PPL: variants seen among roughly 807,000 people sequenced by gnomAD.
PPL encodes 190 kDa paraneoplastic pemphigus antigen.
In PPL, 198 loss-of-function variants were observed where a neutral mutation model predicts 194.4. The observed-to-expected ratio is 1.02, with a 90% CI of 0.91 to 1.15. The LOEUF is 1.15. Ranked by LOEUF, PPL falls within the 50% of genes most tolerant of loss-of-function variation. The pLI, the probability that PPL is intolerant of heterozygous loss-of-function variation, is 0.00. For synonymous variants in PPL, 1,220 were observed against 972.4 expected (o/e 1.25, Z -4.74); for missense variants, 2,885 against 2,294.8 (o/e 1.26, Z -5.25).
Position 4,910,963 on chromosome 16 carries a change from C to A in PPL, c.63-14G>T, listed in dbSNP as rs767683747. ...TTGTTAGAGATGCTGCGGGCAGAAG[C>A]CGAGGGGAGATGGGCGGGGTGCCTG... On this transcript the variant is annotated splice_polypyrimidine_tract_variant and intron_variant, in intron 1 of 21. Transcript: ENST00000345988. 3.1e-6 allele frequency: 5 copies of A among 1,607,962 alleles called. No homozygotes were observed. The highest frequency in any genetic ancestry group is 4.5e-5 in the East Asian group (2 of 44,826).
intron 2 of PPL, among the ~76,000 whole-genome samples, chr16:4,904,891 T>A (rs2088652723): frequency 6.6e-6 from 1 of 152,064 alleles, no homozygotes; most frequent in African/African-American, 2.4e-5. Flanking sequence ...CGGGGGGATA[T>A]CTGGAAGGGG....
In PPL at chr16:4,884,810, G is replaced by A. The variant is rs200663441; in HGVS notation, c.3845C>T (p.Thr1282Ile). 2 of 1,614,136 alleles carry A rather than the reference G, an allele frequency of 1.2e-6. No homozygotes were observed. The highest frequency in any genetic ancestry group is 2.2e-5 in the South Asian group (2 of 91,088). ...CTCTTTGGTCTGGACCTGGGGTTTGGTGTCTTTCAGGGCCTGGATTTCCTT... is the reference window on the plus strand; with the variant it reads ...CTCTTTGGTCTGGACCTGGGGTTTGATGTCTTTCAGGGCCTGGATTTCCTT... Reference protein sequence around the residue: ...LKKEIQALKDTKPQVQTKEVV... With the variant: ...LKKEIQALKDIKPQVQTKEVV... Residue 1282 changes from threonine to isoleucine, a missense_variant, in exon 22 of 22, where the codon ACC (threonine) becomes ATC (isoleucine). Physicochemically the swap from Thr to Ile is moderately conservative, Grantham distance 89. Coordinates refer to ENST00000345988, the MANE Select transcript of PPL (RefSeq NM_002705.5). This position sits in a 1 kb window ranked among gnomAD's most constrained non-coding sequence, Gnocchi z 5.7.
At chr16:4,903,082 G>T (rs1414191921) in intron 3 of PPL, among the ~76,000 whole-genome samples, 1 of 152,228 alleles carries the variant, frequency 6.6e-6, no homozygotes, top group Non-Finnish European at 1.5e-5. Context: ...AAGCAGGAAA[G>T]ATCTTGTTTT....
chr16:4,904,020 C>G lies in PPL; in HGVS notation c.183G>C (p.Glu61Asp). Residue 61 changes from glutamate (E) to aspartate (D), a missense_variant, in exon 3 of 22, where the codon GAG becomes GAC. Glu to Asp is a conservative substitution (Grantham distance 45, BLOSUM62 2). Coordinates refer to ENST00000345988, the MANE Select transcript of PPL (RefSeq NM_002705.5). ...CGTCCCGGTGCTCAGGCTGCCGACC[C>G]TCCTGCAGCCGAGCCAGGTCCTGTG... ...KMQSDLARLQEGRQPEHRDVT... is the reference protein window; with the variant it reads ...KMQSDLARLQDGRQPEHRDVT... 1 of 1,612,418 alleles carries G rather than the reference C, an allele frequency of 6.2e-7. No homozygotes were observed. Among genetic ancestry groups the G allele is most frequent in the Non-Finnish European group, 8.5e-7 (1 of 1,179,884 alleles).
At chr16:4,890,466 G>T in intron 17 of PPL, 132 bp from the exon 18 acceptor site, 3 of 1,244,536 alleles carry the variant, frequency 2.4e-6, no homozygotes, top group Non-Finnish European at 3.3e-6. Flanking sequence ...CACACAGGGT[G>T]GGTGGTCATT....
intron 21 of PPL, among the ~76,000 whole-genome samples, chr16:4,886,500 G>T (rs2088221889): frequency 6.6e-6 from 1 of 152,254 alleles, no homozygotes; most frequent in South Asian, 2.1e-4. Context: ...CCGCTCTCTG[G>T]ACAGACCGCA....
intron 1 of PPL, among the ~76,000 whole-genome samples, chr16:4,932,255 C>A (rs904844479): frequency 1.9e-5 from 2 of 105,098 alleles, no homozygotes; most frequent in African/African-American, 5.4e-5. Context: ...CAGTATGTGC[C>A]TGAGAAATGG....
chr16:4,932,295 C>A (rs986210565), intron 1 of PPL, among the ~76,000 whole-genome samples: 6 of 152,218 alleles, frequency 3.9e-5, no homozygotes, highest in African/African-American at 1.4e-4. Flanking sequence ...CTGTTACCCA[C>A]ATGGGTCCCC....
intron 1 of PPL, among the ~76,000 whole-genome samples, chr16:4,912,909 G>T (rs367613816): frequency 1.5e-3 from 228 of 152,290 alleles, no homozygotes; most frequent in African/African-American, 4.6e-3. Context: ...TTTGAGACCA[G>T]CCTGGCCAAC....
intron 9 of PPL, 71 bp downstream of exon 9, chr16:4,897,604 C>G: frequency 8.1e-7 from 1 of 1,233,548 alleles, no homozygotes; most frequent in Non-Finnish European, 1.2e-6. Context: ...ACACATGAGC[C>G]AGGTAGGCAC....
intron 2 of PPL, among the ~76,000 whole-genome samples, chr16:4,904,744 G>A (rs930132672): frequency 2.0e-5 from 3 of 152,160 alleles, no homozygotes; most frequent in Non-Finnish European, 4.4e-5. Context: ...ATCCTGCACA[G>A]CTCCATTTGT....
In PPL at chr16:4,888,089, C is replaced by G; in HGVS notation, c.2514+13G>C. 6.2e-7 allele frequency: 1 copy of G among 1,601,352 alleles called. No individual in the cohort carries two copies. On this transcript the variant is annotated intron_variant, in intron 20 of 21. Transcript: ENST00000345988. Reference sequence around the variant, plus strand: ...CACCTCAGTCCCGAGGCCGCCTGGCCCATGGAACTCACCTCTTCCTTCACT... The same window carrying G: ...CACCTCAGTCCCGAGGCCGCCTGGCGCATGGAACTCACCTCTTCCTTCACT...
Position 4,904,778 on chromosome 16 carries a change from G to A in PPL, c.163-738C>T, listed in dbSNP as rs943001397. 2.0e-5 allele frequency among the ~76,000 whole-genome samples: 3 copies of A among 152,150 alleles called. 1 individual carries two copies. The highest frequency in any genetic ancestry group is 2.9e-5 in the Non-Finnish European group (2 of 68,036). ...GTGCTTAAAGGCGATGCCTCCAGGG[G>A]CTCTGCAGAGAGGACAGCAAGGGTG... On this transcript the variant is annotated intron_variant, in intron 2 of 21. Coordinates refer to ENST00000345988, the MANE Select transcript of PPL (RefSeq NM_002705.5).
intron 12 of PPL, among the ~76,000 whole-genome samples, chr16:4,894,107 A>G (rs2734735): frequency 0.87 from 132,784 of 152,148 alleles, 60,828 homozygotes; most frequent in East Asian, 1. Flanking sequence ...CGTGCAGTGG[A>G]AGAAGGTGCC....
chr16:4,892,206 GTGA>G lies in PPL; in HGVS notation c.1655_1657del (p.Ile552del). 1 of 1,610,624 alleles carries G rather than the reference GTGA, an allele frequency of 6.2e-7. No homozygotes were observed. Among genetic ancestry groups the G allele is most frequent in the Non-Finnish European group, 8.5e-7 (1 of 1,177,484 alleles). On this transcript the variant is annotated inframe_deletion, in exon 15 of 22. Coordinates refer to ENST00000345988, the MANE Select transcript of PPL (RefSeq NM_002705.5). Reference sequence around the variant, plus strand: ...AGGTTCAATCCGCAGTAGCTCGTTGGTGATGTTCTGTGGGAACCAGGGCCCCTC... The same window carrying G: ...AGGTTCAATCCGCAGTAGCTCGTTGGTGTTCTGTGGGAACCAGGGCCCCTC...
chr16:4,889,800 G>T (rs749897285), intron 18 of PPL, among the ~76,000 whole-genome samples: 1 of 152,164 alleles, frequency 6.6e-6, no homozygotes, highest in Non-Finnish European at 1.5e-5. Flanking sequence ...TCAGCCATTG[G>T]CTTCCCGTGT....
intron 1 of PPL, among the ~76,000 whole-genome samples, chr16:4,933,789 TA>T (rs2089255885): frequency 6.6e-6 from 1 of 152,194 alleles, no homozygotes; most frequent in South Asian, 2.1e-4. Flanking sequence ...GACCACGTGC[TA>T]AAACCCAGCA....
In PPL at chr16:4,884,280, G is replaced by A. The variant is rs982427462; in HGVS notation, c.4375C>T (p.His1459Tyr). Residue 1459 changes from histidine to tyrosine, a missense_variant, in exon 22 of 22, where the codon CAT (histidine) becomes TAT (tyrosine). Coordinates refer to ENST00000345988, the MANE Select transcript of PPL (RefSeq NM_002705.5). The surrounding 1 kb of genome is among the most constrained non-coding windows in gnomAD (Gnocchi z 5.7). ...LQQDPQQARE[H>Y]ALLRLQLEEE... The stretch of plus-strand genomic sequence containing the variant: ...TCCAGCTGGAGTCGGAGCAGGGCAT[G>A]CTCTCGCGCCTGCTGCGGGTCCTGC... 1 of 1,612,778 alleles carries A rather than the reference G, an allele frequency of 6.2e-7. No homozygotes were observed. The highest frequency in any genetic ancestry group is 8.5e-7 in the Non-Finnish European group (1 of 1,179,684).
At chr16:4,916,394 T>C (rs1159130054) in intron 1 of PPL, among the ~76,000 whole-genome samples, 1 of 152,166 alleles carries the variant, frequency 6.6e-6, no homozygotes, top group Non-Finnish European at 1.5e-5. Context: ...GTACTTTTAG[T>C]AGAGACGGGG....
Sources: gnomAD v4.1 joint callset for allele counts (sites outside exome capture counted in the v4.1 genomes callset) on GRCh38, gnomAD v4.1.1 for gene constraint, Gnocchi (gnomAD v3.1) non-coding constraint, MANE v1.5 for transcripts, NCBI Gene and HGNC (gene_info 2026-07-23, HGNC 2026-07-21) for gene names.